Variants in ARHGAP32 observed in about 807,000 individuals in gnomAD.
The protein encoded by ARHGAP32 is Rho GTPase activating protein 32.
A neutral mutation model predicts 186.5 loss-of-function variants in ARHGAP32; 51 were observed. The observed-to-expected ratio is 0.27, with a 90% CI of 0.22 to 0.35. The LOEUF is 0.35. ARHGAP32 is among the 10% of genes least tolerant of loss of function. The pLI is 1.00. For missense variants in ARHGAP32, 2,186 were observed against 2,623.5 expected (o/e 0.83, Z 3.64); for synonymous variants, 950 against 964.3 (o/e 0.99, Z 0.27).
chr11:129,008,769 C>T (rs938031390), intron 11 of ARHGAP32, among the ~76,000 whole-genome samples: 4 of 152,168 alleles, frequency 2.6e-5, no homozygotes, highest in Non-Finnish European at 4.4e-5. Flanking sequence ...AAATTACAAC[C>T]TCTGTTGTAT....
At chr11:129,055,986 A>G (rs202096226) in intron 10 of ARHGAP32, among the ~76,000 whole-genome samples, 1 of 152,220 alleles carries the variant, frequency 6.6e-6, no homozygotes, top group East Asian at 1.9e-4. Flanking sequence ...AATTGTTTCA[A>G]CAGTTGCAAG....
At chr11:129,189,504 T>C (rs1477579746) in intron 1 of ARHGAP32, among the ~76,000 whole-genome samples, 1 of 152,228 alleles carries the variant, frequency 6.6e-6, no homozygotes, top group East Asian at 1.9e-4. Context: ...TTTTCTGCCT[T>C]ATATTCCTCC....
chr11:128,969,304 G>A lies in ARHGAP32; in HGVS notation c.5909C>T (p.Pro1970Leu). The A allele has an allele frequency of 6.2e-7, 1 of 1,614,238 alleles. No individual in the cohort carries two copies. The highest frequency in any genetic ancestry group is 8.5e-7 in the Non-Finnish European group (1 of 1,180,040). Residue 1970 changes from proline to leucine, a missense_variant, in exon 23 of 23, where the codon CCT (proline) becomes CTT (leucine). Coordinates refer to ENST00000682385, the MANE Select transcript of ARHGAP32 (RefSeq NM_001378024.1). This position sits in a 1 kb window ranked among gnomAD's most constrained non-coding sequence, Gnocchi z 4.8. ...KEMERPWVRQ[P>L]SAPEKHSRDC... The stretch of plus-strand genomic sequence containing the variant: ...TCTGGAGTGTTTCTCTGGGGCAGAA[G>A]GCTGCCTAACCCAGGGTCGCTCCAT...
rs1260225647 is a variant in ARHGAP32 at position 129,123,166 on chromosome 11, C to T, written c.444+280G>A. On this transcript the variant is annotated intron_variant, in intron 5 of 22. Coordinates refer to ENST00000682385, the MANE Select transcript of ARHGAP32 (RefSeq NM_001378024.1). The surrounding 1 kb of genome is among the most constrained non-coding windows in gnomAD (Gnocchi z 4.6). ...CAGAATAGAAAGTCACTACACAAAG[C>T]CATGGACATATGGACATGATACAGG... is the stretch of plus-strand genomic sequence containing the variant. 6.6e-6 allele frequency among the ~76,000 whole-genome samples: 1 copy of T among 151,940 alleles called. No individual in the cohort carries two copies. Among genetic ancestry groups the T allele is most frequent in the Non-Finnish European group, 1.5e-5 (1 of 67,940 alleles).
intron 6 of ARHGAP32, among the ~76,000 whole-genome samples, chr11:129,080,762 A>G (rs1941195440): frequency 6.6e-6 from 1 of 152,056 alleles, no homozygotes; most frequent in South Asian, 2.1e-4. Flanking sequence ...TCAGAGCAGA[A>G]CTAAATGAAA....
rs77516921 is a variant in ARHGAP32, at chr11:129,066,533, T to C, written c.669+198A>G. Among the ~76,000 whole-genome samples the C allele has an allele frequency of 9.4e-3, 1,424 of 152,190 alleles. 18 individuals are homozygous for C. The highest frequency in any genetic ancestry group is 0.027 in the Middle Eastern group (8 of 294). On this transcript the variant is annotated intron_variant, in intron 7 of 22. Coordinates refer to ENST00000682385, the MANE Select transcript of ARHGAP32 (RefSeq NM_001378024.1). ...ATATATTGTTATGAGTTGTTTTCCC[T>C]TATAAAATTACACACTGAACCTACT...
At chr11:129,082,901 A>C (rs1271186792) in intron 6 of ARHGAP32, among the ~76,000 whole-genome samples, 1 of 152,056 alleles carries the variant, frequency 6.6e-6, no homozygotes, top group Non-Finnish European at 1.5e-5. Context: ...CAACAACAAC[A>C]ACAACAACAA....
chr11:129,160,658 G>C (rs1943510667), intron 2 of ARHGAP32, among the ~76,000 whole-genome samples: 2 of 152,076 alleles, frequency 1.3e-5, no homozygotes, highest in South Asian at 4.1e-4. Flanking sequence ...AAATAAGAGA[G>C]GACACAAACA....
intron 16 of ARHGAP32, 117 bp downstream of exon 16, chr11:128,981,712 G>T: frequency 8.9e-7 from 1 of 1,127,340 alleles, no homozygotes; most frequent in Non-Finnish European, 1.3e-6. Flanking sequence ...TTAGGGAGAT[G>T]CAAATAAAAA....
At chr11:129,171,077 T>C (rs940806628) in intron 1 of ARHGAP32, among the ~76,000 whole-genome samples, 12 of 152,364 alleles carry the variant, frequency 7.9e-5, no homozygotes, top group Admixed American at 1.3e-4. Context: ...TAGACCTTTG[T>C]CAGAAGGGTA....
rs1945332355 is a variant in ARHGAP32, at chr11:128,970,456, T to G, written c.4757A>C (p.Glu1586Ala). ...SSSVRNTCYPEDIPPYPTIRR... is the reference protein window; with the variant it reads ...SSSVRNTCYPADIPPYPTIRR... The stretch of plus-strand genomic sequence containing the variant: ...GATGGTAGGGTACGGTGGAATGTCT[T>G]CGGGGTAACAGGTATTCCTGACAGA... The change falls in exon 23 of 23, where the codon GAA becomes GCA. Residue 1586 changes from glutamate (E) to alanine (A), a missense_variant. Glu to Ala is a moderately radical substitution (Grantham distance 107). Coordinates refer to ENST00000682385, the MANE Select transcript of ARHGAP32 (RefSeq NM_001378024.1). This position sits in a 1 kb window ranked among gnomAD's most constrained non-coding sequence, Gnocchi z 5.8. 1.2e-6 allele frequency: 2 copies of G among 1,614,050 alleles called. No individual in the cohort carries two copies. Among genetic ancestry groups the G allele is most frequent in the Non-Finnish European group, 1.7e-6 (2 of 1,180,008 alleles).
At chr11:129,247,314 G>C (rs1231789550) in intron 1 of ARHGAP32, among the ~76,000 whole-genome samples, 3 of 152,184 alleles carry the variant, frequency 2.0e-5, no homozygotes, top group African/African-American at 7.2e-5. Context: ...GTTGCCAGCA[G>C]TGATAAGATC....
chr11:128,969,341 G>A lies in ARHGAP32; in HGVS notation c.5872C>T (p.Leu1958Phe), dbSNP rs746701444. 11 of 1,614,242 alleles carry A rather than the reference G, an allele frequency of 6.8e-6. No homozygotes were observed. Among genetic ancestry groups the A allele is most frequent in the Non-Finnish European group, 9.3e-6 (11 of 1,180,048 alleles). ...SLRLNHKEVRLSKEMERPWVR... is the reference protein window; with the variant it reads ...SLRLNHKEVRFSKEMERPWVR... Reference sequence around the variant, plus strand: ...CAGGGTCGCTCCATCTCTTTGGAGAGCCTTACCTCTTTGTGGTTCAGTCTT... The same window carrying A: ...CAGGGTCGCTCCATCTCTTTGGAGAACCTTACCTCTTTGTGGTTCAGTCTT... The change falls in exon 23 of 23, where the codon CTC (leucine) becomes TTC (phenylalanine). Residue 1958 changes from leucine (L) to phenylalanine (F), a missense_variant. Physicochemically the swap from Leu to Phe is conservative, Grantham distance 22 (BLOSUM62 0). Transcript: ENST00000682385. The surrounding 1 kb of genome is among the most constrained non-coding windows in gnomAD (Gnocchi z 4.8).
intron 6 of ARHGAP32, among the ~76,000 whole-genome samples, chr11:129,070,388 TA>T (rs1391615594): frequency 6.6e-6 from 1 of 152,024 alleles, no homozygotes; most frequent in African/African-American, 2.4e-5. Flanking sequence ...ATGCATGGAG[TA>T]TAGCAGGCAA....
chr11:129,132,887 AT>A (rs1490965024), intron 2 of ARHGAP32, among the ~76,000 whole-genome samples: 1 of 152,226 alleles, frequency 6.6e-6, no homozygotes, highest in Non-Finnish European at 1.5e-5. Context: ...AATAAAAACT[AT>A]AAAAAACCCA....
intron 5 of ARHGAP32, among the ~76,000 whole-genome samples, chr11:129,097,623 A>G (rs1207627147): frequency 6.6e-6 from 1 of 152,132 alleles, no homozygotes; most frequent in African/African-American, 2.4e-5. Context: ...ATTGAGTAAT[A>G]GGAAGAAAAA....
chr11:129,063,252 C>G (rs1416418707), intron 9 of ARHGAP32, among the ~76,000 whole-genome samples: 1 of 152,016 alleles, frequency 6.6e-6, no homozygotes, highest in Non-Finnish European at 1.5e-5. Flanking sequence ...TGTACAGAAC[C>G]TAAAAGTTTG....
intron 1 of ARHGAP32, among the ~76,000 whole-genome samples, chr11:129,216,935 TCA>T (rs1182274548): frequency 6.6e-6 from 1 of 152,002 alleles, no homozygotes; most frequent in African/African-American, 2.4e-5. Context: ...CAATATATAA[TCA>T]GTTTTTGTAA....
intron 1 of ARHGAP32, among the ~76,000 whole-genome samples, chr11:129,190,441 GA>G (rs1944248055): frequency 6.6e-6 from 1 of 152,166 alleles, no homozygotes. Flanking sequence ...ATTCAGATAG[GA>G]AATATAAACA....
Sources: gnomAD v4.1 joint callset for allele counts (sites outside exome capture counted in the v4.1 genomes callset) on GRCh38, gnomAD v4.1.1 for gene constraint, Gnocchi (gnomAD v3.1) non-coding constraint, MANE v1.5 for transcripts, NCBI Gene and HGNC (gene_info 2026-07-23, HGNC 2026-07-21) for gene names.